TOX: variants seen among roughly 807,000 people sequenced by gnomAD.
The protein encoded by TOX is thymocyte selection-associated high mobility group box protein TOX.
A neutral mutation model predicts 53.7 loss-of-function variants in TOX; 11 were observed. The ratio of observed to expected loss-of-function variants is 0.20; its 90% confidence interval spans 0.13 to 0.34. The LOEUF (loss-of-function observed/expected upper bound fraction) is 0.34. Among genes scored for constraint, TOX ranks in the 10% least tolerant of loss-of-function variants. TOX has a pLI of 1.00. For synonymous variants in TOX, 225 were observed against 245.3 expected, an observed-to-expected ratio of 0.92 and a Z score of 0.77; for missense variants, 570 against 664.6, an observed-to-expected ratio of 0.86 and a Z score of 1.56.
intron 7 of TOX, among the ~76,000 whole-genome samples, chr8:58,813,687 T>A (rs1810122775): frequency 6.6e-6 from 1 of 152,188 alleles, no homozygotes; most frequent in Admixed American, 6.5e-5. Flanking sequence ...CCCCAGTGAA[T>A]CAACAACTGT....
intron 1 of TOX, among the ~76,000 whole-genome samples, chr8:59,036,235 T>A (rs1307712941): frequency 3.3e-5 from 5 of 152,140 alleles, no homozygotes; most frequent in African/African-American, 1.2e-4. Context: ...AAAGGACGGG[T>A]GTGGGACGTT....
chr8:58,835,731 C>T (rs1810534384), intron 5 of TOX, among the ~76,000 whole-genome samples: 2 of 152,132 alleles, frequency 1.3e-5, no homozygotes. Context: ...AGACCTCCCT[C>T]TTTAGAAATC....
At chr8:59,111,163 A>C (rs774971922) in intron 1 of TOX, among the ~76,000 whole-genome samples, 7 of 152,124 alleles carry the variant, frequency 4.6e-5, no homozygotes, top group Admixed American at 6.5e-5. Flanking sequence ...AGGGAATCAC[A>C]TCCTCTTATG....
At chr8:59,056,231 G>C (rs1803886528) in intron 1 of TOX, among the ~76,000 whole-genome samples, 1 of 151,822 alleles carries the variant, frequency 6.6e-6, no homozygotes, top group African/African-American at 2.4e-5. Flanking sequence ...TTCAAGACCA[G>C]CCTGGGCAAC....
intron 1 of TOX, among the ~76,000 whole-genome samples, chr8:58,977,483 G>C (rs1026404311): frequency 4.6e-5 from 7 of 152,222 alleles, no homozygotes; most frequent in African/African-American, 1.4e-4. Context: ...TATGTTCACA[G>C]GAGTAGCACT....
chr8:58,968,453 T>G (rs957419860), intron 1 of TOX, among the ~76,000 whole-genome samples: 5 of 152,188 alleles, frequency 3.3e-5, no homozygotes, highest in African/African-American at 1.2e-4. Context: ...TTCAGAACAC[T>G]CCTCTGACTT....
At chr8:58,844,147 G>A (rs916733610) in intron 4 of TOX, among the ~76,000 whole-genome samples, 1 of 152,130 alleles carries the variant, frequency 6.6e-6, no homozygotes, top group African/African-American at 2.4e-5. Flanking sequence ...GACTTTTAAA[G>A]TCTAGAGCAG....
At chr8:59,007,678 A>T (rs1464044617) in intron 1 of TOX, among the ~76,000 whole-genome samples, 2 of 152,228 alleles carry the variant, frequency 1.3e-5, no homozygotes, top group Non-Finnish European at 2.9e-5. Flanking sequence ...AAATAAAAAA[A>T]TACATAGGTA....
At chr8:58,864,070 A>C (rs546940135) in intron 3 of TOX, among the ~76,000 whole-genome samples, 7 of 152,286 alleles carry the variant, frequency 4.6e-5, no homozygotes, top group Non-Finnish European at 5.9e-5. Context: ...ATTGTTTGAC[A>C]GTCAGTACAT....
At chr8:58,954,739 T>A (rs1449138095) in intron 2 of TOX, among the ~76,000 whole-genome samples, 1 of 152,062 alleles carries the variant, frequency 6.6e-6, no homozygotes, top group Non-Finnish European at 1.5e-5. Context: ...AAAAGTAGAA[T>A]CAACACTCTC....
Position 58,905,135 on chromosome 8 carries a change from G to A in TOX, c.411+34167C>T, listed in dbSNP as rs149546316. Among the ~76,000 whole-genome samples the A allele has an allele frequency of 1.7e-3, 264 of 152,268 alleles. 4 individuals are homozygous for A. In the East Asian group the frequency reaches 0.021, roughly 12 times the overall value. ...TTTAGTAGAGACGGGGTTTTACCAT[G>A]TTGGCGAGGATGGTCCCAATCTCTT... On this transcript the variant is annotated intron_variant, in intron 3 of 8. Coordinates refer to ENST00000361421, the MANE Select transcript of TOX (RefSeq NM_014729.3).
chr8:59,103,631 C>G (rs1044727079), intron 1 of TOX, among the ~76,000 whole-genome samples: 1 of 152,174 alleles, frequency 6.6e-6, no homozygotes. Context: ...TATAAATTCC[C>G]TCCCATTCAT....
intron 3 of TOX, among the ~76,000 whole-genome samples, chr8:58,859,540 A>G (rs141887076): frequency 2.4e-4 from 37 of 152,304 alleles, no homozygotes; most frequent in African/African-American, 8.7e-4. Context: ...AAAACAATTT[A>G]TCACAAGAAA....
chr8:59,052,864 G>A (rs1803816205), intron 1 of TOX, among the ~76,000 whole-genome samples: 1 of 152,088 alleles, frequency 6.6e-6, no homozygotes, highest in South Asian at 2.1e-4. Context: ...CGTAGAAGCT[G>A]TAAAATAAAA....
chr8:59,002,920 G>GTA (rs1813721566), intron 1 of TOX, among the ~76,000 whole-genome samples: 3 of 152,294 alleles, frequency 2.0e-5, no homozygotes, highest in Admixed American at 1.3e-4. Flanking sequence ...AACACAAGGG[G>GTA]TATATAGATG....
chr8:58,911,037 T>G (rs1478273641), intron 3 of TOX, among the ~76,000 whole-genome samples: 2 of 152,240 alleles, frequency 1.3e-5, no homozygotes, highest in Non-Finnish European at 2.9e-5. Flanking sequence ...AAAATATTTC[T>G]TAGTTCTCTC....
chr8:59,116,806 A>G (rs1056353557), intron 1 of TOX, among the ~76,000 whole-genome samples: 2 of 152,270 alleles, frequency 1.3e-5, no homozygotes, highest in Non-Finnish European at 2.9e-5. Flanking sequence ...GCATTTAAAA[A>G]GAACAGTTTG....
chr8:58,852,871 A>G (rs1810849116), intron 3 of TOX, among the ~76,000 whole-genome samples: 1 of 152,234 alleles, frequency 6.6e-6, no homozygotes, highest in Non-Finnish European at 1.5e-5. Context: ...TTTCATTAGA[A>G]AAGAAAATCC....
intron 1 of TOX, among the ~76,000 whole-genome samples, chr8:59,047,203 G>GT (rs10551461): frequency 0.011 from 493 of 44,696 alleles, 109 homozygotes; most frequent in Middle Eastern, 0.015. Context: ...ACCAAGAATT[G>GT]TTTTTTTTTT....
Sources: allele counts gnomAD v4.1 joint callset (sites outside exome capture counted in the v4.1 genomes callset), GRCh38; gene constraint gnomAD v4.1.1; transcripts MANE v1.5; gene names NCBI Gene and HGNC (gene_info 2026-07-23, HGNC 2026-07-21).